ZNF654: variants seen among roughly 807,000 people sequenced by gnomAD.
The protein encoded by ZNF654 is zinc finger protein 654.
A neutral mutation model predicts 95.3 loss-of-function variants in ZNF654; 19 were observed. That is an observed-to-expected ratio of 0.20 (90% CI 0.14 to 0.29). ZNF654 has a LOEUF of 0.29. Ranked by LOEUF, ZNF654 falls within the 10% of genes least tolerant of loss-of-function variation. The pLI, the probability that ZNF654 is intolerant of heterozygous loss-of-function variation, is 1.00. For synonymous variants in ZNF654, 413 were observed against 457.9 expected, an observed-to-expected ratio of 0.90 and a Z score of 1.25; for missense variants, 1,046 against 1,341.0, an observed-to-expected ratio of 0.78 and a Z score of 3.44.
chr3:88,136,089 ACTC>A (rs1347347244), intron 7 of ZNF654, among the ~76,000 whole-genome samples: 5 of 152,044 alleles, frequency 3.3e-5, no homozygotes, highest in Non-Finnish European at 2.9e-5. Flanking sequence ...CTCAAAGTAA[ACTC>A]CTTCCAGCAA....
chr3:88,121,253 T>A (rs1204442954), intron 3 of ZNF654, among the ~76,000 whole-genome samples: 1 of 152,186 alleles, frequency 6.6e-6, no homozygotes, highest in Non-Finnish European at 1.5e-5. Flanking sequence ...TTTTCTTTAA[T>A]ACTAACCACT....
In ZNF654 at chr3:88,143,899, A is replaced by C. The variant is rs1707241226; in HGVS notation, c.*2247A>C. The C allele has an allele frequency of 6.6e-6, 1 of 152,022 alleles. No homozygotes were observed. Among genetic ancestry groups the C allele is most frequent in the Admixed American group, 6.6e-5 (1 of 15,258 alleles). 9.4% of individuals were successfully genotyped at this position (152,022 alleles called of 1,614,324 possible). On this transcript the variant is annotated 3_prime_UTR_variant, in exon 9 of 9. Transcript: ENST00000636215. ...TATTACATCTGTCTTTTAAAACATAAACCTACATCATTTTGCTTTTATAGG... is the reference window on the plus strand; with the variant it reads ...TATTACATCTGTCTTTTAAAACATACACCTACATCATTTTGCTTTTATAGG...
At chr3:88,121,190 G>A (rs781464519) in intron 3 of ZNF654, among the ~76,000 whole-genome samples, 8 of 152,112 alleles carry the variant, frequency 5.3e-5, no homozygotes, top group African/African-American at 4.8e-5. Context: ...AATGCCTTCC[G>A]TGAATTATGC....
At chr3:88,089,714 C>G (rs1190078657) in intron 2 of ZNF654, among the ~76,000 whole-genome samples, 1 of 152,048 alleles carries the variant, frequency 6.6e-6, no homozygotes, top group African/African-American at 2.4e-5. Context: ...AGGAAGAAAC[C>G]CCTTCTGCCT....
At chr3:88,091,768 T>C (rs1023734486) in intron 2 of ZNF654, among the ~76,000 whole-genome samples, 3 of 152,208 alleles carry the variant, frequency 2.0e-5, no homozygotes, top group Non-Finnish European at 2.9e-5. Context: ...GCAGTTCCCC[T>C]GCACATGCTC....
At chr3:88,137,820 A>T (rs1258168829) in intron 7 of ZNF654, among the ~76,000 whole-genome samples, 1 of 152,120 alleles carries the variant, frequency 6.6e-6, no homozygotes, top group Non-Finnish European at 1.5e-5. Context: ...CATGTAAAGG[A>T]CTAAGAAAAC....
rs151230729 is a variant in ZNF654 at position 88,138,015 on chromosome 3, T to G, written c.1036-690T>G. Among the ~76,000 whole-genome samples the G allele has an allele frequency of 5.3e-3, 813 of 152,244 alleles. 5 individuals carry two copies. Among genetic ancestry groups the G allele is most frequent in the African/African-American group, 0.017 (698 of 41,550 alleles). ...ATAACTAAGATGGGTCGACAATAGA[T>G]TCCCAAGTAAAAGCTGATGCAATTA... On this transcript the variant is annotated intron_variant, in intron 7 of 8. Coordinates refer to ENST00000636215, the MANE Select transcript of ZNF654 (RefSeq NM_001350134.2).
chr3:88,097,332 A>G (rs2107701384), intron 2 of ZNF654, among the ~76,000 whole-genome samples: 1 of 152,124 alleles, frequency 6.6e-6, no homozygotes, highest in South Asian at 2.1e-4. Flanking sequence ...AAGGTAAGAG[A>G]GAACCAGTTT....
intron 1 of ZNF654, among the ~76,000 whole-genome samples, chr3:88,077,962 T>C (rs1707902244): frequency 6.6e-6 from 1 of 152,210 alleles, no homozygotes; most frequent in Non-Finnish European, 1.5e-5. Context: ...CTATTATGAA[T>C]GTAAATAAAA....
intron 3 of ZNF654, among the ~76,000 whole-genome samples, chr3:88,119,111 A>C (rs1705596410): frequency 6.7e-6 from 1 of 149,106 alleles, no homozygotes; most frequent in African/African-American, 2.5e-5. Flanking sequence ...CATTATTCAC[A>C]ATAGCAAAGA....
intron 2 of ZNF654, among the ~76,000 whole-genome samples, chr3:88,088,797 G>GATGGAGTC (rs1490645371): frequency 1.3e-5 from 2 of 151,722 alleles, no homozygotes; most frequent in African/African-American, 4.8e-5. Flanking sequence ...TGGATGGATG[G>GATGGAGTC]AGTCTGGCTC....
chr3:88,086,506 C>T (rs188906667), intron 2 of ZNF654, 104 bp downstream of exon 2: 1 of 998,122 alleles, frequency 1.0e-6, no homozygotes. Flanking sequence ...TAAAGTATTC[C>T]CTCAAAAAGA....
intron 2 of ZNF654, among the ~76,000 whole-genome samples, chr3:88,088,744 TTATG>T (rs10574923): frequency 0.27 from 39,443 of 148,256 alleles, 5,452 homozygotes; most frequent in East Asian, 0.32. Flanking sequence ...AAACCTTTAT[TTATG>T]TATGTATGTA....
Position 88,144,370 on chromosome 3 carries a change from G to C in ZNF654, c.*2718G>C, listed in dbSNP as rs1431813548. On this transcript the variant is annotated 3_prime_UTR_variant, in exon 9 of 9. Transcript: ENST00000636215. ...GTTGTATGGATGAAAAACCTAAAAGGGATGATAGTGTTTATTTTTTAATTT... is the reference window on the plus strand; with the variant it reads ...GTTGTATGGATGAAAAACCTAAAAGCGATGATAGTGTTTATTTTTTAATTT... 1 of 152,288 alleles carries C rather than the reference G, an allele frequency of 6.6e-6. No individual in the cohort carries two copies. The highest frequency in any genetic ancestry group is 1.5e-5 in the Non-Finnish European group (1 of 67,832). 9.4% of individuals were successfully genotyped at this position (152,288 alleles called of 1,614,324 possible).
Position 88,109,144 on chromosome 3 carries a change from TG to T in ZNF654, c.333-3970del, listed in dbSNP as rs1559716061. 1.4e-4 allele frequency among the ~76,000 whole-genome samples: 19 copies of T among 131,794 alleles called. No individual in the cohort carries two copies. In the East Asian group the frequency reaches 4.0e-3, roughly 27 times the overall value. The allele number at this position is 131,794 out of a possible 152,430, so 86.5% of individuals were successfully genotyped here. On this transcript the variant is annotated intron_variant, in intron 2 of 8. Transcript: ENST00000636215. ...TCCCCTGTGGATAAGTGGGCACTAG[TG>T]TGTGTGTGTGTGTGTGTGTGTGTGT...
intron 3 of ZNF654, among the ~76,000 whole-genome samples, chr3:88,114,162 C>A (rs1238770020): frequency 2.6e-5 from 4 of 151,994 alleles, no homozygotes; most frequent in Non-Finnish European, 2.9e-5. Flanking sequence ...GGCATAGGGA[C>A]AGAAAGACAA....
chr3:88,122,249 TGGGAGA>T, intron 3 of ZNF654, among the ~76,000 whole-genome samples: 1 of 152,132 alleles, frequency 6.6e-6, no homozygotes, highest in African/African-American at 2.4e-5. Flanking sequence ...AGGTGAATTT[TGGGAGA>T]TGTGGAAGAG....
intron 2 of ZNF654, among the ~76,000 whole-genome samples, chr3:88,099,300 A>G (rs1175226593): frequency 6.6e-6 from 1 of 152,164 alleles, no homozygotes; most frequent in Non-Finnish European, 1.5e-5. Flanking sequence ...CTTCAAGGAG[A>G]ACTGCAAATC....
At chr3:88,095,583 C>G in intron 2 of ZNF654, 1 of 521,208 alleles carries the variant, frequency 1.9e-6, no homozygotes, top group South Asian at 1.4e-5. Context: ...TAAATTGCCA[C>G]AGGAATCTGT....
Sources: gnomAD v4.1 joint callset for allele counts (sites outside exome capture counted in the v4.1 genomes callset) on GRCh38, gnomAD v4.1.1 for gene constraint, MANE v1.5 for transcripts, NCBI Gene and HGNC (gene_info 2026-07-23, HGNC 2026-07-21) for gene names.